Variants in LAMA3 observed in about 807,000 individuals in gnomAD.
The protein encoded by LAMA3 is laminin subunit alpha 3, also known as laminin subunit alpha-3.
A neutral mutation model predicts 402.0 loss-of-function variants in LAMA3; 281 were observed. The observed-to-expected ratio is 0.70, with a 90% CI of 0.63 to 0.77. The LOEUF is 0.77. Ranked by LOEUF, LAMA3 falls within the 30% of genes least tolerant of loss-of-function variation. LAMA3 has a pLI of 0.00. For missense variants in LAMA3, 3,840 were observed against 4,215.5 expected, an observed-to-expected ratio of 0.91 and a Z score of 2.47; for synonymous variants, 1,431 against 1,558.4, an observed-to-expected ratio of 0.92 and a Z score of 1.93.
At position 23,846,363 on chromosome 18, in the gene LAMA3, C is replaced by T. The variant is rs752958608; in HGVS notation, c.3786C>T (p.Gly1262=). The change falls in exon 31 of 75, where the codon GGC becomes GGT. Residue 1262 remains glycine, a synonymous_variant. Transcript: ENST00000313654. ...CCCTGGTGGCCTTTTACCACAAGGG[C>T]GCCCTGCCTTGTGAGTGCCACCCCA... ...ARSLVAFYHK[G]ALPCECHPTG... is the part of the protein sequence containing the mutation. The T allele has an allele frequency of 3.7e-5, 59 of 1,614,108 alleles. No individual in the cohort carries two copies. The highest frequency in any genetic ancestry group is 2.3e-4 in the Admixed American group (14 of 60,012).
chr18:23,849,833 A>G (rs2063904410), intron 32 of LAMA3, among the ~76,000 whole-genome samples: 1 of 152,224 alleles, frequency 6.6e-6, no homozygotes, highest in Admixed American at 6.5e-5. Context: ...CTTTGACCTT[A>G]GGAAAGGGAC....
intron 41 of LAMA3, among the ~76,000 whole-genome samples, chr18:23,885,635 A>G (rs771375358): frequency 6.6e-6 from 1 of 152,098 alleles, no homozygotes; most frequent in Non-Finnish European, 1.5e-5. Flanking sequence ...GATACTTATA[A>G]CCTAGCTGAG....
Position 23,901,194 on chromosome 18 carries a change from C to T in LAMA3, c.6072C>T (p.Ile2024=). 2 of 1,614,140 alleles carry T rather than the reference C, an allele frequency of 1.2e-6. No homozygotes were observed. Among genetic ancestry groups the T allele is most frequent in the African/African-American group, 1.3e-5 (1 of 75,020 alleles). The part of the protein sequence containing the change: ...QGENNGLANS[I]RDSLNEYEAK... ...AGAACAATGGGCTTGCTAACAGTAT[C>T]CGGGATTCTTTAAATGAATACGAAG... The change falls in exon 48 of 75, where the codon ATC becomes ATT. Residue 2024 remains isoleucine (I), a synonymous_variant. Coordinates refer to ENST00000313654, the MANE Select transcript of LAMA3 (RefSeq NM_198129.4).
chr18:23,842,733 G>A lies in LAMA3; in HGVS notation c.3586G>A (p.Gly1196Arg). 2.5e-6 allele frequency: 4 copies of A among 1,614,210 alleles called. No individual in the cohort carries two copies. Among genetic ancestry groups the A allele is most frequent in the South Asian group, 1.1e-5 (1 of 91,084 alleles). ...GGCCGCAACTGTGAAGGTTCCAGAA[G>A]GAAAGTCCTTGGTTTTGGTGCGTTC... ...EVAATVKVPE[G>R]KSLVLVRVLV... The change falls in exon 29 of 75, where the codon GGA becomes AGA. Residue 1196 changes from glycine (G) to arginine (R), a missense_variant. By Grantham distance (125) the Gly-to-Arg change is moderately radical. This residue lies in a region of LAMA3 where 2,109 missense variants were observed against 2,376.0 expected (regional missense o/e 0.89). Coordinates refer to ENST00000313654, the MANE Select transcript of LAMA3 (RefSeq NM_198129.4).
chr18:23,901,244 G>C lies in LAMA3; in HGVS notation c.6122G>C (p.Arg2041Pro). 3 of 1,614,112 alleles carry C rather than the reference G, an allele frequency of 1.9e-6. No homozygotes were observed. Among genetic ancestry groups the C allele is most frequent in the Non-Finnish European group, 2.5e-6 (3 of 1,179,994 alleles). Residue 2041 changes from arginine to proline, a missense_variant, in exon 48 of 75, where the codon CGG becomes CCG. Coordinates refer to ENST00000313654, the MANE Select transcript of LAMA3 (RefSeq NM_198129.4). ...GCCAAACTCAGTGACCTTCGTGCTC[G>C]GCTGCAGGAGGCAGCTGCCCAAGCC... ...YEAKLSDLRA[R>P]LQEAAAQAKQ...
In LAMA3 at chr18:23,756,372, T is replaced by C. The variant is rs62093356; in HGVS notation, c.948-2024T>C. 1.2e-4 allele frequency among the ~76,000 whole-genome samples: 18 copies of C among 148,828 alleles called. No homozygotes were observed. The East Asian group carries it at 3.5e-3, about 29-fold the overall frequency. ...AACCGAACACTGCACGTCTCTCATATTTAAAAAAAAAAAAAAGCTGTTTGC... is the reference window on the plus strand; with the variant it reads ...AACCGAACACTGCACGTCTCTCATACTTAAAAAAAAAAAAAAGCTGTTTGC... On this transcript the variant is annotated intron_variant, in intron 6 of 74. Transcript: ENST00000313654.
chr18:23,726,750 G>A (rs773856029), intron 2 of LAMA3, among the ~76,000 whole-genome samples: 93 of 151,952 alleles, frequency 6.1e-4, no homozygotes, highest in African/African-American at 2.0e-3. Flanking sequence ...CTCCAGTAGC[G>A]GGGATTACAG....
At chr18:23,846,939 GA>G (rs760050030) in intron 31 of LAMA3, among the ~76,000 whole-genome samples, 16 of 152,194 alleles carry the variant, frequency 1.1e-4, no homozygotes, top group Non-Finnish European at 2.1e-4. Flanking sequence ...CTCACTGAAT[GA>G]GAACCCATGG....
At chr18:23,718,657 CA>C (rs1181590242) in intron 2 of LAMA3, among the ~76,000 whole-genome samples, 5 of 152,146 alleles carry the variant, frequency 3.3e-5, no homozygotes, top group Admixed American at 3.3e-4. Context: ...GATGTGGCTG[CA>C]GGAGCAGAGC....
intron 2 of LAMA3, among the ~76,000 whole-genome samples, chr18:23,743,649 G>A (rs537421696): frequency 1.3e-5 from 2 of 152,162 alleles, no homozygotes; most frequent in African/African-American, 4.8e-5. Context: ...TGAAGTTGAA[G>A]TGCCTCACAC....
At chr18:23,833,775 G>A in intron 23 of LAMA3, 53 bp from the exon 24 acceptor site, 3 of 1,597,580 alleles carry the variant, frequency 1.9e-6, no homozygotes, top group East Asian at 4.5e-5. Context: ...TGCAAGTGTG[G>A]CCTGTACATG....
rs189770997 is a variant in LAMA3 at position 23,779,596 on chromosome 18, C to T, written c.1468+1977C>T. On this transcript the variant is annotated intron_variant, in intron 11 of 74. Transcript: ENST00000313654. ...GAAAGCAGAATACATGGGCCAGAGG[C>T]GGGGTGGGTGGGGGCAGTGGTGGGA... is the stretch of plus-strand genomic sequence containing the variant. Among the ~76,000 whole-genome samples, 152 of 143,104 alleles carry T rather than the reference C, an allele frequency of 1.1e-3. 3 individuals carry two copies. The East Asian group carries it at 0.034, about 32-fold the overall frequency. The allele number at this position is 143,104 out of a possible 152,430, so 93.9% of individuals were successfully genotyped here.
chr18:23,840,487 A>G (rs1243370353), intron 27 of LAMA3, among the ~76,000 whole-genome samples: 3 of 148,870 alleles, frequency 2.0e-5, no homozygotes, highest in Non-Finnish European at 4.4e-5. Context: ...GGCTCAGGCA[A>G]TTCTCCCATC....
intron 12 of LAMA3, chr18:23,795,992 T>A: frequency 2.9e-6 from 1 of 348,984 alleles, no homozygotes; most frequent in Non-Finnish European, 5.7e-6. Flanking sequence ...GATAGCTCGT[T>A]CACTCTCTCT....
At chr18:23,889,594 TAAAG>T (rs763572688) in intron 41 of LAMA3, among the ~76,000 whole-genome samples, 50 of 132,358 alleles carry the variant, frequency 3.8e-4, no homozygotes, top group Non-Finnish European at 6.8e-4. Context: ...AAGAGAGAAA[TAAAG>T]AAAGAAAGAA....
chr18:23,780,920 A>G (rs1011554676), intron 11 of LAMA3, among the ~76,000 whole-genome samples: 8 of 152,228 alleles, frequency 5.3e-5, no homozygotes, highest in Non-Finnish European at 8.8e-5. Context: ...CACTCTTGAC[A>G]CCAGCATGGA....
At chr18:23,843,977 A>G (rs113519288) in intron 29 of LAMA3, among the ~76,000 whole-genome samples, 256 of 152,242 alleles carry the variant, frequency 1.7e-3, no homozygotes, top group African/African-American at 5.6e-3. Context: ...TCTTTCTGCA[A>G]AGCCCTCCAG....
intron 1 of LAMA3, among the ~76,000 whole-genome samples, chr18:23,703,706 G>A (rs930226541): frequency 3.3e-5 from 5 of 152,036 alleles, no homozygotes; most frequent in Non-Finnish European, 7.4e-5. Flanking sequence ...TGAGTCCCTT[G>A]TTTTAGCTCT....
rs1235960322 is a variant in LAMA3 at position 23,810,237 on chromosome 18, T to C, written c.1604-129T>C. The C allele has an allele frequency of 1.3e-5, 14 of 1,095,666 alleles. No individual in the cohort carries two copies. In the East Asian group the frequency reaches 3.4e-4, roughly 26 times the overall value. 67.9% of individuals were successfully genotyped at this position (1,095,666 alleles called of 1,614,324 possible). On this transcript the variant is annotated intron_variant, in intron 12 of 74. Coordinates refer to ENST00000313654, the MANE Select transcript of LAMA3 (RefSeq NM_198129.4). ...GGCTTGTTTCAGGTTCCCGATCTCA[T>C]AAGAAGTGGAGCTGGAATTTGTGTT...
Sources: gnomAD v4.1 joint callset for allele counts (sites outside exome capture counted in the v4.1 genomes callset) on GRCh38, gnomAD v4.1.1 for gene constraint, gnomAD v4.1.1 regional missense constraint, MANE v1.5 for transcripts, NCBI Gene and HGNC (gene_info 2026-07-23, HGNC 2026-07-21) for gene names.